The following IL1R1 variants were observed in gnomAD, a reference collection of about 807,000 sequenced individuals.
The protein encoded by IL1R1 is interleukin 1 receptor type 1.
IL1R1 carries 22 observed loss-of-function variants against 50.2 expected under a neutral mutation model. The ratio of observed to expected loss-of-function variants is 0.44; its 90% CI spans 0.31 to 0.63. IL1R1 has a LOEUF of 0.63. Among genes scored for constraint, IL1R1 ranks in the 20% least tolerant of loss-of-function variants. The pLI, the probability that IL1R1 is intolerant of heterozygous loss-of-function variation, is 0.07. For missense variants in IL1R1, 509 were observed against 676.2 expected (o/e 0.75, Z 2.74); for synonymous variants, 251 against 236.7 (o/e 1.06, Z -0.55).
At chr2:102,076,662 A>C (rs1405515220) in intron 1 of IL1R1, among the ~76,000 whole-genome samples, 1 of 152,104 alleles carries the variant, frequency 6.6e-6, no homozygotes, top group Non-Finnish European at 1.5e-5. Context: ...ATTGTTTCTA[A>C]TGAGAAATCT....
intron 1 of IL1R1, among the ~76,000 whole-genome samples, chr2:102,088,466 A>ACT (rs1679521951): frequency 6.6e-6 from 1 of 152,180 alleles, no homozygotes. Context: ...TGGGCTTAAA[A>ACT]TATTCAGTAA....
At chr2:102,080,967 C>T (rs151332099) in intron 1 of IL1R1, among the ~76,000 whole-genome samples, 130 of 152,262 alleles carry the variant, frequency 8.5e-4, no homozygotes, top group African/African-American at 3.0e-3. Flanking sequence ...CAGAAGCCCA[C>T]ACATTGTATA....
Position 102,166,929 on chromosome 2 carries a change from C to T in IL1R1, c.655+648C>T, listed in dbSNP as rs1208200555. 4.6e-5 allele frequency among the ~76,000 whole-genome samples: 7 copies of T among 152,102 alleles called. No individual in the cohort carries two copies. The East Asian group carries it at 7.7e-4, about 17-fold the overall frequency. ...AATTTTCTTGTGTCTTTCAATTCTG[C>T]GTTAACCATGTTTCATATTGAAAAC... On this transcript the variant is annotated intron_variant, in intron 6 of 11. Transcript: ENST00000410023.
At chr2:102,139,698 C>T (rs187116242), upstream of IL1R1, among the ~76,000 whole-genome samples, 14 of 152,298 alleles carry the variant, frequency 9.2e-5, no homozygotes, top group Non-Finnish European at 1.6e-4. Flanking sequence ...TGGCACCTCC[C>T]GCACCTCTCT....
At chr2:102,110,729 G>T (rs12994127) in intron 1 of IL1R1, among the ~76,000 whole-genome samples, 42,061 of 151,398 alleles carry the variant, frequency 0.28, 6,695 homozygotes, top group African/African-American at 0.45. Flanking sequence ...CGATCACAAC[G>T]TTTTTCATTT....
chr2:102,101,267 T>C (rs1680128907), upstream of IL1R1, among the ~76,000 whole-genome samples: 1 of 152,208 alleles, frequency 6.6e-6, no homozygotes, highest in African/African-American at 2.4e-5. Context: ...TTTTCAGATG[T>C]AGAAACTGAG....
intron 1 of IL1R1, among the ~76,000 whole-genome samples, chr2:102,136,374 A>ATTTTTTTT: frequency 8.4e-6 from 1 of 118,404 alleles, no homozygotes; most frequent in Non-Finnish European, 1.6e-5. Context: ...GGATAACAGT[A>ATTTTTTTT]TTTTTTTTTT....
At chr2:102,140,431 C>T (rs553950948), upstream of IL1R1, among the ~76,000 whole-genome samples, 1 of 152,320 alleles carries the variant, frequency 6.6e-6, no homozygotes, top group East Asian at 1.9e-4. Flanking sequence ...TCAGTTAAGT[C>T]TCCTGAATGA....
intron 1 of IL1R1, among the ~76,000 whole-genome samples, chr2:102,111,426 C>T (rs755155426): frequency 3.9e-5 from 6 of 152,318 alleles, no homozygotes; most frequent in African/African-American, 2.4e-5. Context: ...TACAAAAATA[C>T]GTTCTACGTC....
intron 9 of IL1R1, among the ~76,000 whole-genome samples, chr2:102,173,092 A>G (rs1685829803): frequency 6.6e-6 from 1 of 152,162 alleles, no homozygotes; most frequent in South Asian, 2.1e-4. Context: ...CTGTAGCACC[A>G]TATGTCACAG....
At chr2:102,092,422 G>A (rs148573448) in intron 1 of IL1R1, among the ~76,000 whole-genome samples, 1 of 151,956 alleles carries the variant, frequency 6.6e-6, no homozygotes. Context: ...AATCATTGTA[G>A]CATTATCCAG....
intron 1 of IL1R1, among the ~76,000 whole-genome samples, chr2:102,097,899 A>G (rs1266570403): frequency 6.6e-6 from 1 of 152,076 alleles, no homozygotes; most frequent in Non-Finnish European, 1.5e-5. Context: ...TAAAAATTAA[A>G]AGAAACACAT....
intron 1 of IL1R1, among the ~76,000 whole-genome samples, chr2:102,146,499 A>G (rs546784072): frequency 5.9e-5 from 9 of 152,284 alleles, no homozygotes; most frequent in Admixed American, 4.6e-4. Flanking sequence ...ATTGCTTTCT[A>G]TAGTCTGCAG....
chr2:102,100,383 T>A (rs140581621), upstream of IL1R1, among the ~76,000 whole-genome samples: 3 of 152,200 alleles, frequency 2.0e-5, no homozygotes, highest in African/African-American at 2.4e-5. Flanking sequence ...ACCAAATACC[T>A]GGAACTGAGC....
At chr2:102,135,685 C>T (rs1017562583) in intron 1 of IL1R1, among the ~76,000 whole-genome samples, 2 of 152,144 alleles carry the variant, frequency 1.3e-5, no homozygotes, top group Non-Finnish European at 1.5e-5. Context: ...TGGATGAAGA[C>T]TGGCTTTCTA....
At chr2:102,148,781 T>C (rs1376753682) in intron 1 of IL1R1, among the ~76,000 whole-genome samples, 2 of 152,196 alleles carry the variant, frequency 1.3e-5, no homozygotes, top group East Asian at 1.9e-4. Context: ...AAGTCCCTTT[T>C]ACCTTCTTTT....
chr2:102,176,059 C>T (rs1468373784), intron 11 of IL1R1: 2 of 453,422 alleles, frequency 4.4e-6, no homozygotes, highest in East Asian at 7.9e-5. Context: ...TGGCTCATGC[C>T]TTTTATCTCA....
intron 1 of IL1R1, among the ~76,000 whole-genome samples, chr2:102,094,075 A>G (rs1015462955): frequency 4.6e-5 from 7 of 152,240 alleles, no homozygotes; most frequent in African/African-American, 1.4e-4. Context: ...AGTGGAATAG[A>G]AGTGACTACA....
intron 1 of IL1R1, among the ~76,000 whole-genome samples, chr2:102,087,725 G>A (rs1679489652): frequency 6.6e-6 from 1 of 152,166 alleles, no homozygotes; most frequent in South Asian, 2.1e-4. Context: ...CTTCTTCCAT[G>A]ATTGCAAGCT....
Sources: gnomAD v4.1 joint callset for allele counts (sites outside exome capture counted in the v4.1 genomes callset) on GRCh38, gnomAD v4.1.1 for gene constraint, MANE v1.5 for transcripts, NCBI Gene and HGNC (gene_info 2026-07-23, HGNC 2026-07-21) for gene names.